Variants in COL5A2 observed in about 807,000 individuals in gnomAD.
COL5A2 encodes collagen alpha-2(V) chain.
In COL5A2, 23 loss-of-function variants were observed where a neutral mutation model predicts 208.2. The observed-to-expected ratio is 0.11, with a 90% confidence interval of 0.08 to 0.16. COL5A2 has a LOEUF of 0.16. Ranked by LOEUF, COL5A2 falls within the 10% of genes least tolerant of loss-of-function variation. The probability of loss-of-function intolerance (pLI) is 1.00; values close to 1 mark genes in which losing one functional copy is unlikely to be tolerated. For synonymous variants in COL5A2, 625 were observed against 628.5 expected, an observed-to-expected ratio of 0.99 and a Z score of 0.08; for missense variants, 1,590 against 1,956.4, an observed-to-expected ratio of 0.81 and a Z score of 3.53.
intron 1 of COL5A2, among the ~76,000 whole-genome samples, chr2:189,177,212 T>C (rs1576575684): frequency 6.6e-6 from 1 of 152,234 alleles, no homozygotes; most frequent in Admixed American, 6.5e-5. Context: ...GTGACTGTTA[T>C]AGATAAAATT....
the COL5A2 span, among the ~76,000 whole-genome samples, chr2:189,411,955 T>A: frequency 0.024 from 3,660 of 152,276 alleles, 161 homozygotes; most frequent in African/African-American, 0.084. Flanking sequence ...CCCTTTTCTA[T>A]GGAAAGGGGC....
At chr2:189,086,069 C>G (rs1686654132) in intron 9 of COL5A2, among the ~76,000 whole-genome samples, 1 of 152,168 alleles carries the variant, frequency 6.6e-6, no homozygotes, top group Admixed American at 6.5e-5. Flanking sequence ...TTCTCCTCAT[C>G]AACATCATCA....
chr2:189,132,202 T>G (rs1383090324), intron 1 of COL5A2, among the ~76,000 whole-genome samples: 1 of 152,224 alleles, frequency 6.6e-6, no homozygotes, highest in Non-Finnish European at 1.5e-5. Context: ...GTAATCATGG[T>G]CTGGTTTTTA....
intron 1 of COL5A2, among the ~76,000 whole-genome samples, chr2:189,159,290 C>A (rs190302142): frequency 4.1e-4 from 62 of 152,322 alleles, no homozygotes; most frequent in African/African-American, 1.4e-3. Flanking sequence ...TCACAGGAAT[C>A]TATAGCTAAT....
rs187727036 is a variant in COL5A2 at position 189,050,900 on chromosome 2, G to A, written c.2932-224C>T. On this transcript the variant is annotated intron_variant, in intron 42 of 53. Transcript: ENST00000374866. The stretch of plus-strand genomic sequence containing the variant: ...GCTCATCCGTTGGAAAGAAACTGAA[G>A]ATTAATGTGAATACTGACTCAATAA... Among the ~76,000 whole-genome samples, 51 of 152,116 alleles carry A rather than the reference G, an allele frequency of 3.4e-4. No homozygotes were observed. In the East Asian group the frequency reaches 8.7e-3, roughly 26 times the overall value.
the COL5A2 span, among the ~76,000 whole-genome samples, chr2:189,324,992 A>C: frequency 6.6e-6 from 1 of 152,334 alleles, no homozygotes; most frequent in South Asian, 2.1e-4. Context: ...CAGCCATAAA[A>C]AATGATGAGT....
chr2:189,355,523 C>T, the COL5A2 span, among the ~76,000 whole-genome samples: 1 of 151,864 alleles, frequency 6.6e-6, no homozygotes, highest in African/African-American at 2.4e-5. Flanking sequence ...TGATCCTTTA[C>T]CATTATGTAA....
the COL5A2 span, among the ~76,000 whole-genome samples, chr2:189,314,105 C>G: frequency 1.3e-3 from 197 of 152,232 alleles, 1 homozygote; most frequent in Non-Finnish European, 2.2e-3. Flanking sequence ...TAATAGATAT[C>G]TATAGAACTC....
At chr2:189,142,539 T>C (rs924770900) in intron 1 of COL5A2, among the ~76,000 whole-genome samples, 6 of 152,158 alleles carry the variant, frequency 3.9e-5, no homozygotes, top group African/African-American at 1.4e-4. Context: ...TTAATGAATG[T>C]CCACTAAAGA....
At chr2:189,323,713 C>A in the COL5A2 span, among the ~76,000 whole-genome samples, 1 of 152,026 alleles carries the variant, frequency 6.6e-6, no homozygotes, top group African/African-American at 2.4e-5. Flanking sequence ...TCATGGATAG[C>A]AAGAATCAAT....
rs1157866285 is a variant in COL5A2, at chr2:189,036,660, T to A, written c.4069A>T (p.Asn1357Tyr). 6.2e-7 allele frequency: 1 copy of A among 1,613,858 alleles called. No individual in the cohort carries two copies. Among genetic ancestry groups the A allele is most frequent in the Non-Finnish European group, 8.5e-7 (1 of 1,179,758 alleles). ...TCAAGACCATACCAAACAGGTTTAT[T>A]GTCAGGAGATTTACTGGCCCACCAG... ...KTWWASKSPDNKPVWYGLDMN... is the reference protein window; with the variant it reads ...KTWWASKSPDYKPVWYGLDMN... Residue 1357 changes from asparagine to tyrosine, a missense_variant, in exon 52 of 54, where the codon AAT becomes TAT. Physicochemically the swap from Asn to Tyr is moderately radical, Grantham distance 143. Coordinates refer to ENST00000374866, the MANE Select transcript of COL5A2 (RefSeq NM_000393.5).
At chr2:189,432,695 C>A in the COL5A2 span, among the ~76,000 whole-genome samples, 10 of 152,278 alleles carry the variant, frequency 6.6e-5, no homozygotes, top group African/African-American at 2.4e-4. Context: ...TCCTTAGAGA[C>A]CTACAAAGAG....
Position 189,100,100 on chromosome 2 carries a change from T to G in COL5A2, c.369+7A>C. 4 of 1,605,744 alleles carry G rather than the reference T, an allele frequency of 2.5e-6. No homozygotes were observed. The highest frequency in any genetic ancestry group is 3.4e-6 in the Non-Finnish European group (4 of 1,172,626). On this transcript the variant is annotated splice_region_variant and intron_variant, in intron 4 of 53. Coordinates refer to ENST00000374866, the MANE Select transcript of COL5A2 (RefSeq NM_000393.5). ...TACAAGGAAACAATGATTATACATA[T>G]ACTTACAACAGGCACTAATCCTGGT...
At chr2:189,167,641 G>C (rs1161170696) in intron 1 of COL5A2, among the ~76,000 whole-genome samples, 1 of 148,054 alleles carries the variant, frequency 6.8e-6, no homozygotes, top group Non-Finnish European at 1.5e-5. Flanking sequence ...AGGAAAAATA[G>C]GGAAGGATTG....
At chr2:189,322,411 CA>C in the COL5A2 span, among the ~76,000 whole-genome samples, 5 of 151,926 alleles carry the variant, frequency 3.3e-5, no homozygotes, top group African/African-American at 1.2e-4. Context: ...AAAAAATCAA[CA>C]AAACTGATAC....
chr2:189,344,754 T>C, the COL5A2 span, among the ~76,000 whole-genome samples: 1 of 151,964 alleles, frequency 6.6e-6, no homozygotes, highest in African/African-American at 2.4e-5. Flanking sequence ...AGGCTACTCT[T>C]CCTAGGCAAT....
At chr2:189,404,620 T>C in the COL5A2 span, among the ~76,000 whole-genome samples, 1 of 152,204 alleles carries the variant, frequency 6.6e-6, no homozygotes, top group Non-Finnish European at 1.5e-5. Flanking sequence ...CCTTCATAAT[T>C]GCACGAGCCA....
the COL5A2 span, among the ~76,000 whole-genome samples, chr2:189,407,315 A>G: frequency 2.6e-5 from 4 of 152,248 alleles, no homozygotes; most frequent in East Asian, 7.7e-4. Context: ...TTGAGCCTGG[A>G]AAGCTTAAGA....
the COL5A2 span, among the ~76,000 whole-genome samples, chr2:189,421,281 G>T: frequency 2.0e-5 from 3 of 152,080 alleles, no homozygotes; most frequent in Non-Finnish European, 4.4e-5. Context: ...AAAGGGAAGA[G>T]TAAGATGGCA....
Sources: gnomAD v4.1 joint callset for allele counts (sites outside exome capture counted in the v4.1 genomes callset) on GRCh38, gnomAD v4.1.1 for gene constraint, MANE v1.5 for transcripts, NCBI Gene and HGNC (gene_info 2026-07-23, HGNC 2026-07-21) for gene names.